The following KATNIP variants were observed in gnomAD, a reference collection of about 807,000 sequenced individuals.
The protein encoded by KATNIP is katanin interacting protein.
Under a neutral mutation model 174.0 loss-of-function variants are expected in KATNIP, and 126 were observed. That is an observed-to-expected ratio of 0.72 (90% CI 0.63 to 0.84). The LOEUF (loss-of-function observed/expected upper bound fraction) is 0.84, where lower values mean the gene tolerates loss of function less well. Ranked by LOEUF, KATNIP falls within the 40% of genes least tolerant of loss-of-function variation. KATNIP has a pLI of 0.00. For missense variants in KATNIP, 1,958 were observed against 2,109.7 expected, an observed-to-expected ratio of 0.93 and a Z score of 1.41; for synonymous variants, 810 against 835.7, an observed-to-expected ratio of 0.97 and a Z score of 0.53.
At chr16:27,582,233 C>T (rs562715681) in intron 2 of KATNIP, among the ~76,000 whole-genome samples, 9 of 152,014 alleles carry the variant, frequency 5.9e-5, no homozygotes, top group Admixed American at 6.6e-5. Context: ...CTTGTTGCCC[C>T]GTCCATATTT....
intron 13 of KATNIP, among the ~76,000 whole-genome samples, chr16:27,720,129 G>C (rs925608077): frequency 6.6e-5 from 10 of 152,088 alleles, no homozygotes; most frequent in African/African-American, 2.2e-4. Context: ...TTTTCCTGGA[G>C]ACGGAGTTTG....
chr16:27,733,104 G>A (rs917466627), intron 14 of KATNIP, among the ~76,000 whole-genome samples: 8 of 152,144 alleles, frequency 5.3e-5, no homozygotes, highest in African/African-American at 1.9e-4. Flanking sequence ...AGGTTGTATT[G>A]GCTGTGCCAA....
intron 3 of KATNIP, among the ~76,000 whole-genome samples, chr16:27,625,250 C>T (rs1349578571): frequency 2.0e-5 from 3 of 152,206 alleles, no homozygotes; most frequent in Non-Finnish European, 2.9e-5. Context: ...CATAAATCTA[C>T]ATTTTCATAA....
intron 3 of KATNIP, among the ~76,000 whole-genome samples, chr16:27,627,789 G>A (rs897334993): frequency 2.6e-5 from 4 of 152,166 alleles, no homozygotes. Context: ...AGGTTGGCTG[G>A]TTGTCTGTAT....
At chr16:27,646,415 G>A (rs1347772316) in intron 5 of KATNIP, among the ~76,000 whole-genome samples, 1 of 152,194 alleles carries the variant, frequency 6.6e-6, no homozygotes, top group Non-Finnish European at 1.5e-5. Context: ...TGGACTGGCT[G>A]GCCATAGCAT....
chr16:27,727,029 A>G (rs2143129908), intron 14 of KATNIP, among the ~76,000 whole-genome samples: 1 of 152,278 alleles, frequency 6.6e-6, no homozygotes, highest in East Asian at 1.9e-4. Context: ...ACATCTGTAT[A>G]CCTCAGCTTT....
Position 27,754,220 on chromosome 16 carries a change from C to T in KATNIP, c.3600C>T (p.Thr1200=), listed in dbSNP as rs764568118. ...CCAGTTCCCCTGTCCCCCAAGTCAC[C>T]ACGCCAGAGCCAGGCATCTACCACG... ...LPSSSPVPQV[T]TPEPGIYHGI... Residue 1200 remains threonine, a synonymous_variant, in exon 18 of 28, where the codon ACC becomes ACT. Transcript: ENST00000261588. 7 of 1,614,208 alleles carry T rather than the reference C, an allele frequency of 4.3e-6. No homozygotes were observed. In the South Asian group the frequency reaches 5.5e-5, roughly 13 times the overall value.
intron 14 of KATNIP, among the ~76,000 whole-genome samples, chr16:27,731,891 G>C (rs2080703117): frequency 6.6e-6 from 1 of 152,140 alleles, no homozygotes; most frequent in African/African-American, 2.4e-5. Context: ...AAAGTGCTGG[G>C]ATTACAGGCA....
At chr16:27,649,499 T>C (rs1167979252) in intron 6 of KATNIP, among the ~76,000 whole-genome samples, 1 of 152,210 alleles carries the variant, frequency 6.6e-6, no homozygotes, top group Non-Finnish European at 1.5e-5. Context: ...TATTTTTGTA[T>C]TATTTTTTAA....
chr16:27,655,949 T>G (rs1444527437), intron 6 of KATNIP, among the ~76,000 whole-genome samples: 1 of 152,220 alleles, frequency 6.6e-6, no homozygotes, highest in African/African-American at 2.4e-5. Context: ...CCATCAGTTA[T>G]GCTTAATAAT....
intron 3 of KATNIP, among the ~76,000 whole-genome samples, chr16:27,619,665 C>T (rs1287543531): frequency 6.6e-6 from 1 of 152,190 alleles, no homozygotes; most frequent in East Asian, 1.9e-4. Context: ...AGCCCCTTTA[C>T]TAAATTTCAG....
chr16:27,678,156 G>A (rs564535783), intron 7 of KATNIP, among the ~76,000 whole-genome samples, 160 bp downstream of exon 7: 71 of 152,318 alleles, frequency 4.7e-4, no homozygotes, highest in African/African-American at 1.6e-3. Flanking sequence ...AAGACGCAGA[G>A]CTTCCCAAAG....
At chr16:27,727,203 T>A (rs1204512570) in intron 14 of KATNIP, 1 of 224,038 alleles carries the variant, frequency 4.5e-6, no homozygotes, top group Non-Finnish European at 9.8e-6. Context: ...TGTTTGTTTG[T>A]TTTTCTAGAC....
chr16:27,590,212 C>G (rs2075122194), intron 2 of KATNIP, among the ~76,000 whole-genome samples: 1 of 151,976 alleles, frequency 6.6e-6, no homozygotes, highest in Non-Finnish European at 1.5e-5. Flanking sequence ...GTTATTTCCT[C>G]TATTTATTAA....
intron 14 of KATNIP, among the ~76,000 whole-genome samples, chr16:27,723,255 C>G (rs1003301274): frequency 1.3e-4 from 20 of 152,150 alleles, no homozygotes; most frequent in Admixed American, 1.3e-3. Context: ...AGGTCAACCC[C>G]CTGAGTGTGA....
intron 13 of KATNIP, among the ~76,000 whole-genome samples, chr16:27,711,126 T>C (rs574576918): frequency 6.6e-6 from 1 of 152,188 alleles, no homozygotes; most frequent in Non-Finnish European, 1.5e-5. Context: ...GTGTACTCAC[T>C]GCCACGCAGG....
At chr16:27,723,532 T>G (rs892205369) in intron 14 of KATNIP, among the ~76,000 whole-genome samples, 3 of 152,042 alleles carry the variant, frequency 2.0e-5, no homozygotes, top group African/African-American at 7.2e-5. Flanking sequence ...CACCATCTCC[T>G]GACCAGAATT....
chr16:27,707,228 G>A (rs942907506), intron 12 of KATNIP, among the ~76,000 whole-genome samples: 3 of 152,180 alleles, frequency 2.0e-5, no homozygotes, highest in African/African-American at 7.2e-5. Context: ...GATTACCCAT[G>A]CTAATTAACA....
At position 27,634,715 on chromosome 16, in the gene KATNIP, C is replaced by T. The variant is rs927471925; in HGVS notation, c.408+3553C>T. Among the ~76,000 whole-genome samples the T allele has an allele frequency of 3.9e-5, 6 of 152,232 alleles. No individual in the cohort carries two copies. In the South Asian group the frequency reaches 6.2e-4, roughly 16 times the overall value. On this transcript the variant is annotated intron_variant, in intron 5 of 27. Coordinates refer to ENST00000261588, the MANE Select transcript of KATNIP (RefSeq NM_015202.5). Reference sequence around the variant, plus strand: ...CTATCCCCCTCCTCTCCTCACCTCACTTCTGCTTTCCCTGGCTCGTGTGAG... The same window carrying T: ...CTATCCCCCTCCTCTCCTCACCTCATTTCTGCTTTCCCTGGCTCGTGTGAG...
Sources: gnomAD v4.1 joint callset for allele counts (sites outside exome capture counted in the v4.1 genomes callset) on GRCh38, gnomAD v4.1.1 for gene constraint, MANE v1.5 for transcripts, NCBI Gene and HGNC (gene_info 2026-07-23, HGNC 2026-07-21) for gene names.